The following BCL7B variants were observed in gnomAD, a reference collection of about 807,000 sequenced individuals.
BCL7B encodes BAF chromatin remodeling complex subunit BCL7B.
Under a neutral mutation model 26.5 loss-of-function variants are expected in BCL7B, and 11 were observed. The observed-to-expected ratio is 0.42, with a 90% confidence interval of 0.26 to 0.69. The LOEUF is 0.69. Ranked by LOEUF, BCL7B falls within the 30% of genes least tolerant of loss-of-function variation. The pLI, the probability that BCL7B is intolerant of heterozygous loss-of-function variation, is 0.28. For missense variants in BCL7B, 215 were observed against 264.4 expected (o/e 0.81, Z 1.30); for synonymous variants, 111 against 107.9 (o/e 1.03, Z -0.18).
chr7:73,542,074 T>C (rs923801613), intron 3 of BCL7B, among the ~76,000 whole-genome samples: 1 of 152,226 alleles, frequency 6.6e-6, no homozygotes, highest in Admixed American at 6.5e-5. Context: ...TCTCCTGTGA[T>C]AGCCTGTGCA....
chr7:73,539,387 G>C (rs528968347), intron 4 of BCL7B, among the ~76,000 whole-genome samples: 1 of 152,250 alleles, frequency 6.6e-6, no homozygotes, highest in East Asian at 1.9e-4. Context: ...GAGTAGCTGG[G>C]ATTACAGGCA....
intron 2 of BCL7B, among the ~76,000 whole-genome samples, chr7:73,551,138 AG>A (rs1792150999): frequency 6.6e-6 from 1 of 152,246 alleles, no homozygotes; most frequent in Non-Finnish European, 1.5e-5. Context: ...ATCGCATAAG[AG>A]CAAGTATCAG....
At chr7:73,555,519 G>A (rs1402078680) in intron 1 of BCL7B, among the ~76,000 whole-genome samples, 4 of 152,262 alleles carry the variant, frequency 2.6e-5, no homozygotes, top group South Asian at 4.2e-4. Context: ...ACCTAAGGAA[G>A]CAACTTTTGA....
chr7:73,543,769 G>A (rs1238103263), intron 2 of BCL7B, 125 bp from the exon 3 acceptor site: 6 of 709,754 alleles, frequency 8.5e-6, no homozygotes, highest in Middle Eastern at 4.1e-4. Flanking sequence ...CGACAGCAGC[G>A]TGAGAATCCA....
chr7:73,556,373 A>G (rs1384678382), intron 1 of BCL7B, among the ~76,000 whole-genome samples: 1 of 152,030 alleles, frequency 6.6e-6, no homozygotes. Context: ...ACGGGGTCTC[A>G]CTATGTTGCC....
chr7:73,546,511 G>GA (rs1350096452), intron 2 of BCL7B, among the ~76,000 whole-genome samples: 13 of 151,554 alleles, frequency 8.6e-5, no homozygotes, highest in Non-Finnish European at 2.9e-5. Flanking sequence ...ACTAAAAATA[G>GA]AAAAAAATTA....
At chr7:73,550,363 T>G (rs1792111296) in intron 2 of BCL7B, among the ~76,000 whole-genome samples, 1 of 151,996 alleles carries the variant, frequency 6.6e-6, no homozygotes, top group African/African-American at 2.4e-5. Context: ...CTGGCCAACA[T>G]GGTGAAACCC....
chr7:73,552,277 A>C lies in BCL7B; in HGVS notation c.93-35T>G, dbSNP rs782703208. ...AGACACTTCTTAGAACGGATAAAAC[A>C]ATGCAATGTGTTTTCTGTTCATCAC... is the stretch of plus-strand genomic sequence containing the variant. On this transcript the variant is annotated intron_variant, in intron 1 of 5. Transcript: ENST00000223368. 6.5e-6 allele frequency: 10 copies of C among 1,531,490 alleles called. No individual in the cohort carries two copies. In the South Asian group the frequency reaches 1.1e-4, roughly 18 times the overall value. The allele number at this position is 1,531,490 out of a possible 1,614,324, so 94.9% of individuals were successfully genotyped here.
At chr7:73,545,082 G>A (rs1336749838) in intron 2 of BCL7B, among the ~76,000 whole-genome samples, 1 of 151,200 alleles carries the variant, frequency 6.6e-6, no homozygotes, top group Non-Finnish European at 1.5e-5. Context: ...GTAAATCCAA[G>A]CATATGAAAA....
At chr7:73,539,786 G>T in intron 4 of BCL7B, 96 bp downstream of exon 4, 2 of 1,435,738 alleles carry the variant, frequency 1.4e-6, no homozygotes, top group Non-Finnish European at 1.9e-6. Context: ...TGGCTCTGAG[G>T]TGCTCTCTCG....
intron 4 of BCL7B, among the ~76,000 whole-genome samples, chr7:73,538,815 T>TAAAAAAAAAAAAA (rs1159395373): frequency 1.1e-5 from 1 of 94,562 alleles, no homozygotes; most frequent in Non-Finnish European, 2.2e-5. Context: ...CCTATCTCTT[T>TAAAAAAAAAAAAA]AAAAAAAAAA....
chr7:73,556,364 C>T (rs533806823), intron 1 of BCL7B, among the ~76,000 whole-genome samples: 1 of 152,006 alleles, frequency 6.6e-6, no homozygotes, highest in East Asian at 1.9e-4. Context: ...TCTGTAGAGA[C>T]GGGGTCTCAC....
intron 2 of BCL7B, among the ~76,000 whole-genome samples, chr7:73,551,334 C>A (rs1792161486): frequency 6.6e-6 from 1 of 152,156 alleles, no homozygotes; most frequent in African/African-American, 2.4e-5. Context: ...GTGTGTCACA[C>A]TGTTGCCCAG....
chr7:73,545,642 A>C (rs1554583418), intron 2 of BCL7B, among the ~76,000 whole-genome samples: 1 of 152,170 alleles, frequency 6.6e-6, no homozygotes, highest in Non-Finnish European at 1.5e-5. Flanking sequence ...GGGGGAATAA[A>C]CAGTTGCTCC....
intron 3 of BCL7B, among the ~76,000 whole-genome samples, chr7:73,542,229 G>A (rs1468720296): frequency 6.6e-6 from 1 of 152,228 alleles, no homozygotes; most frequent in East Asian, 1.9e-4. Context: ...TAAATGAAAA[G>A]GAGGAGATGG....
chr7:73,537,417 C>T (rs1554582269), intron 5 of BCL7B, 27 bp from the exon 6 acceptor site: 3 of 1,584,692 alleles, frequency 1.9e-6, no homozygotes, highest in South Asian at 1.1e-5. Flanking sequence ...CATGGAATGC[C>T]AGGGCCACCC....
At chr7:73,537,830 G>C in intron 5 of BCL7B, 104 bp downstream of exon 5, 1 of 755,310 alleles carries the variant, frequency 1.3e-6, no homozygotes, top group South Asian at 2.1e-5. Context: ...AGTGGAGGTT[G>C]TAGTGAGCCA....
chr7:73,552,646 T>A (rs1584000972), intron 1 of BCL7B, among the ~76,000 whole-genome samples: 1 of 150,654 alleles, frequency 6.6e-6, no homozygotes, highest in African/African-American at 2.4e-5. Flanking sequence ...CTGGGCGTGG[T>A]GGCGTGTGCC....
chr7:73,538,716 G>A (rs1221124345), intron 4 of BCL7B, among the ~76,000 whole-genome samples: 1 of 151,158 alleles, frequency 6.6e-6, no homozygotes, highest in East Asian at 2.0e-4. Flanking sequence ...CGGAGTCTGA[G>A]GCAAGAGGAT....
Sources: allele counts gnomAD v4.1 joint callset (sites outside exome capture counted in the v4.1 genomes callset), GRCh38; gene constraint gnomAD v4.1.1; transcripts MANE v1.5; gene names NCBI Gene and HGNC (gene_info 2026-07-23, HGNC 2026-07-21).